Variants in SRGAP1 observed in about 807,000 individuals in gnomAD.
The protein encoded by SRGAP1 is SLIT-ROBO Rho GTPase-activating protein 1.
In SRGAP1, 43 loss-of-function variants were observed where a neutral mutation model predicts 121.9. The ratio of observed to expected loss-of-function variants is 0.35; its 90% CI spans 0.28 to 0.46. The LOEUF (loss-of-function observed/expected upper bound fraction) is 0.46. Among genes scored for constraint, SRGAP1 ranks in the 20% least tolerant of loss-of-function variants. The probability of loss-of-function intolerance (pLI) is 1.00; values close to 1 mark genes in which losing one functional copy is unlikely to be tolerated. For synonymous variants in SRGAP1, 447 were observed against 485.4 expected (o/e 0.92, Z 1.04); for missense variants, 1,102 against 1,350.9 (o/e 0.82, Z 2.89).
intron 4 of SRGAP1, among the ~76,000 whole-genome samples, chr12:64,024,238 G>A (rs2034607280): frequency 6.6e-6 from 1 of 152,040 alleles, no homozygotes; most frequent in Non-Finnish European, 1.5e-5. Flanking sequence ...AGACCAGCCT[G>A]GGCAACATGG....
chr12:64,099,289 A>G (rs74099276), intron 15 of SRGAP1, among the ~76,000 whole-genome samples: 3,452 of 152,304 alleles, frequency 0.023, 150 homozygotes, highest in African/African-American at 0.079. Flanking sequence ...TAAAATGCCA[A>G]GAAGAGTGCC....
intron 3 of SRGAP1, among the ~76,000 whole-genome samples, chr12:64,000,971 G>A (rs1026378357): frequency 1.3e-5 from 2 of 152,050 alleles, no homozygotes; most frequent in African/African-American, 2.4e-5. Flanking sequence ...AAAGAAATAT[G>A]ATATGAAAAA....
intron 1 of SRGAP1, among the ~76,000 whole-genome samples, chr12:63,934,523 A>T (rs745800350): frequency 4.6e-5 from 7 of 152,166 alleles, no homozygotes; most frequent in Non-Finnish European, 1.0e-4. Flanking sequence ...ATTGTTTGCT[A>T]TATGCACAAC....
intron 1 of SRGAP1, among the ~76,000 whole-genome samples, chr12:63,875,790 G>A (rs796135524): frequency 2.0e-5 from 3 of 152,260 alleles, no homozygotes; most frequent in African/African-American, 7.2e-5. Flanking sequence ...AGTTTAGAGA[G>A]GTCTCTGCAA....
Position 64,080,168 on chromosome 12 carries a change from C to T in SRGAP1, c.1324-118C>T, listed in dbSNP as rs113699143. 8.6e-4 allele frequency: 628 copies of T among 726,272 alleles called. 3 individuals carry two copies. In the African/African-American group the frequency reaches 0.01, roughly 12 times the overall value. The allele number at this position is 726,272 out of a possible 1,614,324, so 45.0% of individuals were successfully genotyped here. On this transcript the variant is annotated intron_variant, in intron 9 of 21. Coordinates refer to ENST00000355086, the MANE Select transcript of SRGAP1 (RefSeq NM_020762.4). ...TGAGGCAGGAGAATCGCTTGAACCC[C>T]AGAGGAAGAGGTTGCAGTGAGCCAA...
At chr12:64,080,952 C>G (rs916662244) in intron 10 of SRGAP1, 1 of 162,528 alleles carries the variant, frequency 6.2e-6, no homozygotes, top group Non-Finnish European at 1.4e-5. Context: ...AAGGCTTTCT[C>G]TGTGCCAGGC....
intron 3 of SRGAP1, among the ~76,000 whole-genome samples, chr12:64,001,077 C>CAA (rs2033880716): frequency 6.6e-6 from 1 of 152,088 alleles, no homozygotes; most frequent in Admixed American, 6.5e-5. Flanking sequence ...CACACACAAA[C>CAA]ACGTAGTACT....
At chr12:64,082,314 G>A (rs2035862070) in intron 10 of SRGAP1, among the ~76,000 whole-genome samples, 1 of 151,908 alleles carries the variant, frequency 6.6e-6, no homozygotes, top group Non-Finnish European at 1.5e-5. Context: ...AGCCCCAATG[G>A]TTAATATTCT....
At chr12:63,848,253 G>A (rs1026209808) in intron 1 of SRGAP1, among the ~76,000 whole-genome samples, 1 of 151,926 alleles carries the variant, frequency 6.6e-6, no homozygotes. Flanking sequence ...TGATCCACCT[G>A]CCTCTGCCTC....
intron 1 of SRGAP1, among the ~76,000 whole-genome samples, chr12:63,919,035 TG>T (rs1444239183): frequency 9.9e-5 from 15 of 151,418 alleles, no homozygotes; most frequent in African/African-American, 3.2e-4. Flanking sequence ...TGGGGAGGGG[TG>T]TTTTTTGTGT....
chr12:63,855,473 G>GTTTTTTTTTT (rs781701925), intron 1 of SRGAP1, among the ~76,000 whole-genome samples: 13 of 52,938 alleles, frequency 2.5e-4, no homozygotes, highest in African/African-American at 7.8e-4. Context: ...GAAAAATGGT[G>GTTTTTTTTTT]TTTTTTTTTT....
chr12:64,067,934 G>T (rs1245930556), intron 8 of SRGAP1, among the ~76,000 whole-genome samples: 1 of 150,948 alleles, frequency 6.6e-6, no homozygotes, highest in Non-Finnish European at 1.5e-5. Context: ...AAAAAAAAAA[G>T]TTGAGAGAGA....
chr12:64,043,083 C>G, intron 5 of SRGAP1, 111 bp downstream of exon 5: 1 of 752,364 alleles, frequency 1.3e-6, no homozygotes, highest in Non-Finnish European at 2.2e-6. Context: ...AAAAGACATG[C>G]ATTTCCTCCC....
chr12:64,109,218 A>G (rs1394615326), intron 16 of SRGAP1, 181 bp downstream of exon 16: 2 of 388,320 alleles, frequency 5.2e-6, no homozygotes, highest in Non-Finnish European at 9.1e-6. Context: ...TTGATAGATG[A>G]AAGCCCTACC....
At chr12:64,134,333 A>G (rs1315873558) in intron 21 of SRGAP1, among the ~76,000 whole-genome samples, 1 of 151,692 alleles carries the variant, frequency 6.6e-6, no homozygotes, top group African/African-American at 2.4e-5. Flanking sequence ...AGGCAGGAGA[A>G]TGGCGTGAAC....
At chr12:63,920,203 T>C (rs2030985034) in intron 1 of SRGAP1, among the ~76,000 whole-genome samples, 1 of 152,228 alleles carries the variant, frequency 6.6e-6, no homozygotes, top group African/African-American at 2.4e-5. Context: ...GTCTGGTGGG[T>C]ATAACATTGC....
chr12:63,849,537 G>A (rs1185385038), intron 1 of SRGAP1, among the ~76,000 whole-genome samples: 1 of 152,176 alleles, frequency 6.6e-6, no homozygotes, highest in Non-Finnish European at 1.5e-5. Flanking sequence ...AAAATCTGTT[G>A]TTCTTTGACC....
intron 1 of SRGAP1, among the ~76,000 whole-genome samples, chr12:63,973,117 C>T (rs1033723305): frequency 6.6e-6 from 1 of 152,160 alleles, no homozygotes; most frequent in Non-Finnish European, 1.5e-5. Flanking sequence ...TACTGCATTC[C>T]AGCCTGGGTG....
intron 4 of SRGAP1, among the ~76,000 whole-genome samples, chr12:64,018,407 A>G (rs1380770856): frequency 6.6e-6 from 1 of 152,078 alleles, no homozygotes; most frequent in Non-Finnish European, 1.5e-5. Flanking sequence ...GTTTTTTTAT[A>G]GGCAAACTAA....
Sources: gnomAD v4.1 joint callset for allele counts (sites outside exome capture counted in the v4.1 genomes callset) on GRCh38, gnomAD v4.1.1 for gene constraint, MANE v1.5 for transcripts, NCBI Gene and HGNC (gene_info 2026-07-23, HGNC 2026-07-21) for gene names.